Variants in HECW2 observed in about 807,000 individuals in gnomAD.
The protein encoded by HECW2 is HECT, C2 and WW domain containing E3 ubiquitin protein ligase 2.
Under a neutral mutation model 175.2 loss-of-function variants are expected in HECW2, and 61 were observed. The observed-to-expected ratio is 0.35, with a 90% CI of 0.28 to 0.43. The LOEUF (loss-of-function observed/expected upper bound fraction) is 0.43. Ranked by LOEUF, HECW2 falls within the 20% of genes least tolerant of loss-of-function variation. The pLI, the probability that HECW2 is intolerant of heterozygous loss-of-function variation, is 1.00. For missense variants in HECW2, 1,524 were observed against 2,000.5 expected (o/e 0.76, Z 4.54); for synonymous variants, 671 against 731.0 (o/e 0.92, Z 1.32).
intron 2 of HECW2, among the ~76,000 whole-genome samples, chr2:196,416,629 T>C (rs530884747): frequency 6.6e-6 from 1 of 152,244 alleles, no homozygotes; most frequent in Admixed American, 6.5e-5. Context: ...GAGAGGAGAC[T>C]GCCAAAGGGG....
rs990308932 is a variant in HECW2, at chr2:196,370,273, GAAGT to G, written c.293-26513_293-26510del. 2.4e-4 allele frequency among the ~76,000 whole-genome samples: 36 copies of G among 152,090 alleles called. 1 individual carries two copies. The highest frequency in any genetic ancestry group is 3.3e-4 in the Admixed American group (5 of 15,272). ...ACAGGTCTGAGTCCTTCCCTTCAAGGAAGTGAGTTCCCTTCTGGCCCAGGCTGTG... is the reference window on the plus strand; with the variant it reads ...ACAGGTCTGAGTCCTTCCCTTCAAGGGAGTTCCCTTCTGGCCCAGGCTGTG... On this transcript the variant is annotated intron_variant, in intron 2 of 28. Transcript: ENST00000644978.
At chr2:196,536,190 T>C (rs1402800899) in intron 1 of HECW2, among the ~76,000 whole-genome samples, 2 of 152,152 alleles carry the variant, frequency 1.3e-5, no homozygotes, top group African/African-American at 4.8e-5. Context: ...AATTAATAGG[T>C]CTCATCAACC....
chr2:196,473,712 C>T (rs2125356922), intron 1 of HECW2, among the ~76,000 whole-genome samples: 1 of 152,282 alleles, frequency 6.6e-6, no homozygotes, highest in Non-Finnish European at 1.5e-5. Flanking sequence ...CCAACCAGTG[C>T]AGTAACAGGT....
intron 2 of HECW2, chr2:196,362,200 C>T (rs766869295): frequency 1.0e-6 from 1 of 985,382 alleles, no homozygotes; most frequent in Non-Finnish European, 1.2e-6. Flanking sequence ...CACATCCCCT[C>T]GGCTGAGGCA....
intron 1 of HECW2, among the ~76,000 whole-genome samples, chr2:196,545,370 A>G (rs1689375589): frequency 6.6e-6 from 1 of 152,188 alleles, no homozygotes; most frequent in Admixed American, 6.5e-5. Context: ...CATATCAAAG[A>G]GAGAGCATTG....
intron 1 of HECW2, among the ~76,000 whole-genome samples, chr2:196,531,530 T>C (rs1688839026): frequency 6.6e-6 from 1 of 151,888 alleles, no homozygotes; most frequent in Non-Finnish European, 1.5e-5. Context: ...GGCATGGTGA[T>C]GGGCACCGGT....
intron 1 of HECW2, among the ~76,000 whole-genome samples, chr2:196,518,724 T>C (rs1327903288): frequency 6.8e-6 from 1 of 146,352 alleles, no homozygotes; most frequent in East Asian, 2.1e-4. Flanking sequence ...GATCCTTCAC[T>C]CCCTCTGATA....
intron 1 of HECW2, among the ~76,000 whole-genome samples, chr2:196,455,818 CAAT>C (rs1696491874): frequency 6.6e-6 from 1 of 151,790 alleles, no homozygotes; most frequent in Admixed American, 6.6e-5. Context: ...GAAATTCAGA[CAAT>C]AATGCAGTTT....
At chr2:196,585,048 T>C (rs1209230093) in intron 1 of HECW2, among the ~76,000 whole-genome samples, 1 of 152,218 alleles carries the variant, frequency 6.6e-6, no homozygotes. Context: ...TTGTGGCATA[T>C]GGTTTTACTT....
At chr2:196,234,026 T>C (rs1364149048) in intron 21 of HECW2, among the ~76,000 whole-genome samples, 1 of 152,186 alleles carries the variant, frequency 6.6e-6, no homozygotes, top group Non-Finnish European at 1.5e-5. Context: ...TAAAACTGCT[T>C]GTACACATCT....
chr2:196,314,406 A>G (rs999018448), intron 10 of HECW2, among the ~76,000 whole-genome samples: 1 of 152,226 alleles, frequency 6.6e-6, no homozygotes, highest in African/African-American at 2.4e-5. Context: ...CTCTGCCTCA[A>G]ACCAGACTTT....
At chr2:196,506,647 C>A (rs1026543192) in intron 1 of HECW2, among the ~76,000 whole-genome samples, 1 of 151,828 alleles carries the variant, frequency 6.6e-6, no homozygotes, top group Non-Finnish European at 1.5e-5. Context: ...CTGTAGTACA[C>A]AGAAATATTA....
chr2:196,536,312 G>A (rs1015442425), intron 1 of HECW2, among the ~76,000 whole-genome samples: 2 of 152,118 alleles, frequency 1.3e-5, no homozygotes, highest in African/African-American at 4.8e-5. Flanking sequence ...CTAGGTGCAT[G>A]GTTTGCCACT....
chr2:196,240,956 T>C (rs7559697), intron 20 of HECW2, among the ~76,000 whole-genome samples: 148,338 of 152,200 alleles, frequency 0.97, 72,423 homozygotes, highest in East Asian at 1. Flanking sequence ...TCTCAATGCA[T>C]GTAGACAAGG....
chr2:196,399,810 G>T (rs907969108), intron 2 of HECW2, among the ~76,000 whole-genome samples: 1 of 152,118 alleles, frequency 6.6e-6, no homozygotes, highest in Non-Finnish European at 1.5e-5. Flanking sequence ...AAGTATTAAC[G>T]TATCTTTGAA....
chr2:196,275,566 A>T (rs146134181), intron 15 of HECW2, among the ~76,000 whole-genome samples: 2 of 152,134 alleles, frequency 1.3e-5, no homozygotes, highest in Non-Finnish European at 2.9e-5. Context: ...ATCCTGGCCA[A>T]CATGGTGAAA....
intron 14 of HECW2, among the ~76,000 whole-genome samples, chr2:196,287,535 GA>G (rs917578069): frequency 6.6e-6 from 1 of 152,006 alleles, no homozygotes; most frequent in Non-Finnish European, 1.5e-5. Flanking sequence ...CATCTTAAAG[GA>G]AATTTTAAAA....
intron 1 of HECW2, among the ~76,000 whole-genome samples, chr2:196,453,487 T>G (rs1405885): frequency 0.13 from 20,193 of 151,700 alleles, 1,805 homozygotes; most frequent in African/African-American, 0.26. Flanking sequence ...GGAAGGAGAG[T>G]ATTGTAATTA....
At chr2:196,292,900 C>T in intron 13 of HECW2, 150 bp from the exon 14 acceptor site, 1 of 576,932 alleles carries the variant, frequency 1.7e-6, no homozygotes. Context: ...ATGGAAACAG[C>T]AGACAGAGCA....
Sources: gnomAD v4.1 joint callset for allele counts (sites outside exome capture counted in the v4.1 genomes callset) on GRCh38, gnomAD v4.1.1 for gene constraint, MANE v1.5 for transcripts, NCBI Gene and HGNC (gene_info 2026-07-23, HGNC 2026-07-21) for gene names.